Variants in NRXN1 observed in about 807,000 individuals in gnomAD.
The protein encoded by NRXN1 is neurexin-1.
Under a neutral mutation model 150.9 loss-of-function variants are expected in NRXN1, and 39 were observed. The ratio of observed to expected loss-of-function variants is 0.26; its 90% confidence interval spans 0.20 to 0.34. The LOEUF (loss-of-function observed/expected upper bound fraction) is 0.34, where lower values mean the gene tolerates loss of function less well. Ranked by LOEUF, NRXN1 falls within the 10% of genes least tolerant of loss-of-function variation. The pLI is 1.00. For synonymous variants in NRXN1, 924 were observed against 757.0 expected (o/e 1.22, Z -3.62); for missense variants, 1,815 against 1,949.9 (o/e 0.93, Z 1.30).
chr2:50,234,462 C>A (rs1241721853), intron 18 of NRXN1, among the ~76,000 whole-genome samples: 1 of 152,058 alleles, frequency 6.6e-6, no homozygotes, highest in Non-Finnish European at 1.5e-5. Flanking sequence ...TCATTGCACT[C>A]CAGCCTGGGC....
At chr2:50,581,345 C>T (rs957126459) in intron 8 of NRXN1, among the ~76,000 whole-genome samples, 2 of 152,080 alleles carry the variant, frequency 1.3e-5, no homozygotes, top group Admixed American at 6.6e-5. Context: ...TAATGATAAT[C>T]CAAATAATAA....
At chr2:49,957,622 A>G (rs1675212429) in intron 21 of NRXN1, among the ~76,000 whole-genome samples, 1 of 152,158 alleles carries the variant, frequency 6.6e-6, no homozygotes, top group African/African-American at 2.4e-5. Context: ...TTATCAGTAT[A>G]TTGAAAATAC....
intron 17 of NRXN1, among the ~76,000 whole-genome samples, chr2:50,296,493 T>A (rs1346775931): frequency 6.9e-6 from 1 of 145,722 alleles, no homozygotes; most frequent in Non-Finnish European, 1.5e-5. Context: ...CCTCTGCATA[T>A]CCATGTGTAC....
intron 2 of NRXN1, among the ~76,000 whole-genome samples, chr2:51,001,426 A>G (rs545961423): frequency 1.1e-3 from 164 of 152,060 alleles, no homozygotes; most frequent in African/African-American, 3.8e-3. Flanking sequence ...TTATCTGCAA[A>G]GTTAATTTCA....
At chr2:50,737,287 C>T (rs1264117418) in intron 5 of NRXN1, among the ~76,000 whole-genome samples, 1 of 152,080 alleles carries the variant, frequency 6.6e-6, no homozygotes, top group Non-Finnish European at 1.5e-5. Flanking sequence ...CACATAATGG[C>T]ATAAAAGGTC....
At chr2:50,382,821 GAA>G (rs138305868) in intron 17 of NRXN1, among the ~76,000 whole-genome samples, 2,210 of 152,202 alleles carry the variant, frequency 0.015, 52 homozygotes, top group African/African-American at 0.048. Context: ...TGATTCTAAT[GAA>G]AAGTCACAGC....
At chr2:50,363,487 A>G (rs1304147236) in intron 17 of NRXN1, among the ~76,000 whole-genome samples, 2 of 152,256 alleles carry the variant, frequency 1.3e-5, no homozygotes, top group Non-Finnish European at 2.9e-5. Flanking sequence ...AAACACATGT[A>G]AAAAAGCTCA....
chr2:50,253,117 G>A (rs986213344), intron 17 of NRXN1, among the ~76,000 whole-genome samples: 1 of 152,030 alleles, frequency 6.6e-6, no homozygotes, highest in Admixed American at 6.6e-5. Flanking sequence ...CCCTTGAAGA[G>A]GTCCTTCACT....
intron 17 of NRXN1, among the ~76,000 whole-genome samples, chr2:50,392,847 AGTGGT>A (rs1164960638): frequency 6.6e-6 from 1 of 152,104 alleles, no homozygotes; most frequent in Non-Finnish European, 1.5e-5. Flanking sequence ...AGCTTGGTAC[AGTGGT>A]GTGCACCTGC....
chr2:50,680,856 T>C (rs1234817991), intron 5 of NRXN1, among the ~76,000 whole-genome samples: 1 of 152,130 alleles, frequency 6.6e-6, no homozygotes, highest in African/African-American at 2.4e-5. Context: ...GAGCAGCATT[T>C]ACAGTAAAAT....
intron 5 of NRXN1, among the ~76,000 whole-genome samples, chr2:50,801,604 C>A (rs1261406123): frequency 6.6e-6 from 1 of 152,000 alleles, no homozygotes; most frequent in East Asian, 1.9e-4. Context: ...CCCAGATACT[C>A]CCAAAATATG....
chr2:50,886,660 G>T (rs904120043), intron 5 of NRXN1, among the ~76,000 whole-genome samples: 8 of 151,396 alleles, frequency 5.3e-5, no homozygotes, highest in Non-Finnish European at 8.9e-5. Context: ...GTGTGACTGG[G>T]TGGGAGTGTT....
At chr2:50,604,659 T>G (rs1676808862) in intron 8 of NRXN1, among the ~76,000 whole-genome samples, 1 of 152,184 alleles carries the variant, frequency 6.6e-6, no homozygotes, top group South Asian at 2.1e-4. Flanking sequence ...CCATACTACT[T>G]TTCTCAAATG....
chr2:50,909,855 T>C (rs1037556659), intron 5 of NRXN1, among the ~76,000 whole-genome samples: 1 of 152,026 alleles, frequency 6.6e-6, no homozygotes, highest in African/African-American at 2.4e-5. Context: ...AGGCTTTATC[T>C]GATTTATGCT....
chr2:51,003,867 C>T (rs537163308), intron 2 of NRXN1, among the ~76,000 whole-genome samples: 1 of 151,892 alleles, frequency 6.6e-6, no homozygotes, highest in Non-Finnish European at 1.5e-5. Flanking sequence ...AATAAAGTTG[C>T]CCTGGCTGAT....
intron 18 of NRXN1, among the ~76,000 whole-genome samples, chr2:50,106,072 A>T (rs1673003418): frequency 6.6e-6 from 1 of 151,848 alleles, no homozygotes; most frequent in African/African-American, 2.4e-5. Flanking sequence ...CCCCTCTCTT[A>T]AAAACATAAT....
At chr2:50,656,218 T>G (rs900229832) in intron 5 of NRXN1, 5 of 548,404 alleles carry the variant, frequency 9.1e-6, no homozygotes, top group African/African-American at 1.9e-5. Context: ...AAAAGCAAAG[T>G]GATCTTTTTT....
intron 22 of NRXN1, among the ~76,000 whole-genome samples, chr2:49,925,815 G>T (rs1183657011): frequency 6.7e-6 from 1 of 149,278 alleles, no homozygotes; most frequent in Admixed American, 6.7e-5. Context: ...AGAATAACTT[G>T]TTAAAAAAGA....
chr2:50,802,500 T>TAGGAA (rs1554092952), intron 5 of NRXN1, among the ~76,000 whole-genome samples: 8 of 88,330 alleles, frequency 9.1e-5, no homozygotes, highest in African/African-American at 3.4e-4. Context: ...GAAAGAGAAA[T>TAGGAA]GGAAGGAAGG....
Sources: allele counts gnomAD v4.1 joint callset (sites outside exome capture counted in the v4.1 genomes callset), GRCh38; gene constraint gnomAD v4.1.1; transcripts MANE v1.5; gene names NCBI Gene and HGNC (gene_info 2026-07-23, HGNC 2026-07-21).